ZZEF1: variants seen among roughly 807,000 people sequenced by gnomAD.
The protein encoded by ZZEF1 is zinc finger ZZ-type and EF-hand domain containing 1.
In ZZEF1, 157 loss-of-function variants were observed where a neutral mutation model predicts 342.8. The ratio of observed to expected loss-of-function variants is 0.46; its 90% confidence interval spans 0.40 to 0.52. The LOEUF is 0.52. Among genes scored for constraint, ZZEF1 ranks in the 20% least tolerant of loss-of-function variants. The pLI is 0.00. For synonymous variants in ZZEF1, 1,505 were observed against 1,429.1 expected (o/e 1.05, Z -1.20); for missense variants, 3,480 against 3,725.6 (o/e 0.93, Z 1.72).
intron 37 of ZZEF1, among the ~76,000 whole-genome samples, chr17:4,044,911 T>C (rs917867648): frequency 6.6e-6 from 1 of 152,102 alleles, no homozygotes; most frequent in Non-Finnish European, 1.5e-5. Flanking sequence ...TCCAGCACTT[T>C]GGGAGGCCAA....
At chr17:4,125,697 C>A (rs1192661262) in intron 1 of ZZEF1, among the ~76,000 whole-genome samples, 2 of 151,976 alleles carry the variant, frequency 1.3e-5, no homozygotes, top group African/African-American at 4.8e-5. Flanking sequence ...AAGCTACACA[C>A]CAAAAAGAAA....
At chr17:4,097,316 C>T (rs1022014535) in intron 9 of ZZEF1, among the ~76,000 whole-genome samples, 1 of 151,396 alleles carries the variant, frequency 6.6e-6, no homozygotes, top group Non-Finnish European at 1.5e-5. Context: ...TAAGCCAAAG[C>T]GACAAAAGAC....
chr17:4,090,705 G>T lies in ZZEF1; in HGVS notation c.2025+14C>A. On this transcript the variant is annotated intron_variant, in intron 12 of 54. Transcript: ENST00000381638. ...AAAAGGAGGGGAGTGGGCAAACGAC[G>T]CACTAATGCTTACTTTGGCAACTCT... 1 of 1,601,646 alleles carries T rather than the reference G, an allele frequency of 6.2e-7. No individual in the cohort carries two copies. The highest frequency in any genetic ancestry group is 8.6e-7 in the Non-Finnish European group (1 of 1,169,200).
chr17:4,066,321 C>G, intron 28 of ZZEF1, 126 bp downstream of exon 28: 2 of 772,916 alleles, frequency 2.6e-6, no homozygotes, highest in Non-Finnish European at 4.4e-6. Flanking sequence ...TATTTAGCAT[C>G]TGTGTTACTT....
At chr17:4,053,060 G>T (rs1358280726) in intron 34 of ZZEF1, among the ~76,000 whole-genome samples, 1 of 152,170 alleles carries the variant, frequency 6.6e-6, no homozygotes, top group African/African-American at 2.4e-5. Flanking sequence ...TCACTGTCAT[G>T]AACCCAGTCC....
In ZZEF1 at chr17:4,014,292, T is replaced by G. The variant is rs2056043393; in HGVS notation, c.8314+55A>C. The stretch of plus-strand genomic sequence containing the variant: ...CTCCAGTAAGTTCCCTTCTCAATAT[T>G]AAGTTTAAACACTGCCTGTGAAGAA... On this transcript the variant is annotated intron_variant, in intron 50 of 54. Transcript: ENST00000381638. This position sits in a 1 kb window ranked among gnomAD's most constrained non-coding sequence, Gnocchi z 4.4. 3.1e-6 allele frequency: 5 copies of G among 1,611,742 alleles called. No individual in the cohort carries two copies. Among genetic ancestry groups the G allele is most frequent in the Non-Finnish European group, 3.4e-6 (4 of 1,178,054 alleles).
chr17:4,072,782 A>G, intron 24 of ZZEF1, 26 bp from the exon 25 acceptor site: 2 of 1,561,254 alleles, frequency 1.3e-6, no homozygotes, highest in South Asian at 2.4e-5. Flanking sequence ...GACATATGAC[A>G]GTTCTATTTT....
Position 4,008,509 on chromosome 17 carries a change from C to G in ZZEF1, c.8805+374G>C. 2.9e-6 allele frequency: 3 copies of G among 1,019,346 alleles called. No homozygotes were observed. The highest frequency in any genetic ancestry group is 3.5e-6 in the Non-Finnish European group (3 of 851,668). The allele number at this position is 1,019,346 out of a possible 1,614,324, so 63.1% of individuals were successfully genotyped here. A position where few individuals can be genotyped will look rare whatever the true frequency, so the allele number is the denominator to read the frequency against. On this transcript the variant is annotated intron_variant, in intron 54 of 54. Transcript: ENST00000381638. The surrounding 1 kb of genome is among the most constrained non-coding windows in gnomAD (Gnocchi z 4.2). The stretch of plus-strand genomic sequence containing the variant: ...TCCTCAGTCAGTGAAAAGTGTGAAG[C>G]GTCCTGAGACCAAACAGCTGTCAGA...
chr17:4,108,765 G>A (rs2058250738), intron 6 of ZZEF1, among the ~76,000 whole-genome samples: 1 of 152,216 alleles, frequency 6.6e-6, no homozygotes, highest in African/African-American at 2.4e-5. Context: ...GCTTCTCTAA[G>A]TATGAAATAA....
In ZZEF1 at chr17:4,109,736, C is replaced by G; in HGVS notation, c.1194G>C (p.Trp398Cys). ...CCAGAGATGTCAGCAGAGACCAATA[C>G]CATATTGCAGAAGCATCTGAGACTG... is the stretch of plus-strand genomic sequence containing the variant. ...GVSVSDASAI[W>C]YWSLLTSLVT... The change falls in exon 6 of 55, where the codon TGG becomes TGC. Residue 398 changes from tryptophan to cysteine, a missense_variant. Physicochemically the swap from Trp to Cys is radical, Grantham distance 215 (BLOSUM62 -2). Transcript: ENST00000381638. 6.2e-7 allele frequency: 1 copy of G among 1,614,128 alleles called. No individual in the cohort carries two copies. Among genetic ancestry groups the G allele is most frequent in the East Asian group, 2.2e-5 (1 of 44,878 alleles).
rs141899956 is a variant in ZZEF1 at position 4,073,228 on chromosome 17, A to T, written c.3686-472T>A. Among the ~76,000 whole-genome samples the T allele has an allele frequency of 5.2e-3, 791 of 152,336 alleles. 7 individuals carry two copies. The highest frequency in any genetic ancestry group is 0.018 in the African/African-American group (749 of 41,578). On this transcript the variant is annotated intron_variant, in intron 24 of 54. Coordinates refer to ENST00000381638, the MANE Select transcript of ZZEF1 (RefSeq NM_015113.4). ...TTTCTTTCTTTCTTGGAGAAATATT[A>T]AAAAAATCAGTTACTTCTGAGTGTT...
intron 26 of ZZEF1, 121 bp from the exon 27 acceptor site, chr17:4,067,363 T>C (rs111993731): frequency 2.5e-5 from 17 of 667,736 alleles, no homozygotes; most frequent in African/African-American, 1.9e-4. Flanking sequence ...AATCACACAT[T>C]GAGGATGGTA....
At chr17:4,060,133 A>G (rs2057252894) in intron 30 of ZZEF1, among the ~76,000 whole-genome samples, 1 of 152,244 alleles carries the variant, frequency 6.6e-6, no homozygotes, top group Non-Finnish European at 1.5e-5. Flanking sequence ...ATATCAAAAC[A>G]GCTGAATGTC....
chr17:4,067,202 G>T lies in ZZEF1; in HGVS notation c.4116C>A (p.Ala1372=), dbSNP rs1234473214. The change falls in exon 27 of 55, where the codon GCC becomes GCA. Residue 1372 remains alanine (A), a synonymous_variant. Coordinates refer to ENST00000381638, the MANE Select transcript of ZZEF1 (RefSeq NM_015113.4). ...TCCCATCTGCCAAGGAATAAACCTGGGCAAACTCTTCACTCAGGGCTATTT... is the reference window on the plus strand; with the variant it reads ...TCCCATCTGCCAAGGAATAAACCTGTGCAAACTCTTCACTCAGGGCTATTT... ...GGKIALSEEF[A]QVYSLADGIR... 6.2e-7 allele frequency: 1 copy of T among 1,613,014 alleles called. No individual in the cohort carries two copies. Among genetic ancestry groups the T allele is most frequent in the Admixed American group, 1.7e-5 (1 of 59,808 alleles).
intron 1 of ZZEF1, among the ~76,000 whole-genome samples, chr17:4,138,285 G>C (rs1439851000): frequency 2.6e-5 from 4 of 152,076 alleles, no homozygotes; most frequent in African/African-American, 9.7e-5. Flanking sequence ...AGATTCCTAC[G>C]GCACAGTTCC....
At chr17:4,137,794 T>C (rs2058777032) in intron 1 of ZZEF1, among the ~76,000 whole-genome samples, 1 of 152,186 alleles carries the variant, frequency 6.6e-6, no homozygotes, top group Non-Finnish European at 1.5e-5. Context: ...CCAAAGGATC[T>C]GTACAGAACA....
At chr17:4,049,654 G>A (rs2057002050) in intron 37 of ZZEF1, 54 bp downstream of exon 37, 3 of 1,605,844 alleles carry the variant, frequency 1.9e-6, no homozygotes, top group Admixed American at 1.7e-5. Context: ...CTGAGTGAAT[G>A]GCTCTCTCTA....
intron 13 of ZZEF1, among the ~76,000 whole-genome samples, chr17:4,088,368 T>C (rs550530804): frequency 6.6e-6 from 1 of 152,348 alleles, no homozygotes; most frequent in African/African-American, 2.4e-5. Context: ...GCAAATCCCA[T>C]GAACTCTGTT....
chr17:4,051,184 G>A, intron 35 of ZZEF1, 141 bp from the exon 36 acceptor site: 1 of 1,082,830 alleles, frequency 9.2e-7, no homozygotes, highest in South Asian at 1.4e-5. Context: ...AAAATGTAAA[G>A]AAAGGTGTGG....
Sources: allele counts gnomAD v4.1 joint callset (sites outside exome capture counted in the v4.1 genomes callset), GRCh38; gene constraint gnomAD v4.1.1; non-coding constraint Gnocchi (gnomAD v3.1); transcripts MANE v1.5; gene names NCBI Gene and HGNC (gene_info 2026-07-23, HGNC 2026-07-21).